The following SPOCK3 variants were observed in gnomAD, a reference collection of about 807,000 sequenced individuals.
SPOCK3 encodes the protein testican-3.
Under a neutral mutation model 56.6 loss-of-function variants are expected in SPOCK3, and 30 were observed. The ratio of observed to expected loss-of-function variants is 0.53; its 90% CI spans 0.40 to 0.72. The LOEUF (loss-of-function observed/expected upper bound fraction) is 0.72, where lower values mean the gene tolerates loss of function less well. Among genes scored for constraint, SPOCK3 ranks in the 30% least tolerant of loss-of-function variants. The probability of loss-of-function intolerance (pLI) is 0.00; values close to 1 mark genes in which losing one functional copy is unlikely to be tolerated. For missense variants in SPOCK3, 527 were observed against 530.0 expected (o/e 0.99, Z 0.06); for synonymous variants, 196 against 183.3 (o/e 1.07, Z -0.56).
chr4:167,158,963 T>C (rs1380274596), intron 2 of SPOCK3, among the ~76,000 whole-genome samples: 1 of 151,958 alleles, frequency 6.6e-6, no homozygotes. Flanking sequence ...AGAAAAGTGT[T>C]CATACATACA....
intron 6 of SPOCK3, among the ~76,000 whole-genome samples, chr4:166,840,770 A>ATTTTTTTT (rs758844653): frequency 2.5e-5 from 2 of 81,326 alleles, no homozygotes; most frequent in Non-Finnish European, 2.2e-5. Context: ...CAGAAGCAAA[A>ATTTTTTTT]GTTTTTTTTT....
chr4:166,856,771 T>A (rs1730715472), intron 6 of SPOCK3, among the ~76,000 whole-genome samples: 1 of 139,096 alleles, frequency 7.2e-6, no homozygotes, highest in South Asian at 2.4e-4. Flanking sequence ...AAGGCACTTC[T>A]CAAAAAAATT....
intron 4 of SPOCK3, among the ~76,000 whole-genome samples, chr4:166,958,452 T>C (rs1406472419): frequency 6.6e-6 from 1 of 152,304 alleles, no homozygotes; most frequent in Non-Finnish European, 1.5e-5. Flanking sequence ...CCTTTGCCAC[T>C]AATCTGGACT....
intron 2 of SPOCK3, among the ~76,000 whole-genome samples, chr4:167,211,756 G>C (rs373626816): frequency 1.3e-5 from 2 of 151,988 alleles, no homozygotes; most frequent in Non-Finnish European, 2.9e-5. Flanking sequence ...GCCCAGTCTC[G>C]GGTATGTATT....
At chr4:167,066,294 G>A (rs574035392) in intron 2 of SPOCK3, among the ~76,000 whole-genome samples, 48 of 151,876 alleles carry the variant, frequency 3.2e-4, no homozygotes, top group South Asian at 8.3e-4. Context: ...GGAGACTATT[G>A]TGTGCATTGC....
chr4:166,978,373 A>G (rs1219101446), intron 4 of SPOCK3, among the ~76,000 whole-genome samples: 1 of 152,146 alleles, frequency 6.6e-6, no homozygotes, highest in Non-Finnish European at 1.5e-5. Flanking sequence ...TTATGAGTCA[A>G]ATAGGGAGAG....
At chr4:167,150,182 G>T (rs891301753) in intron 2 of SPOCK3, among the ~76,000 whole-genome samples, 3 of 152,048 alleles carry the variant, frequency 2.0e-5, no homozygotes, top group Non-Finnish European at 4.4e-5. Flanking sequence ...AGCATTTAGA[G>T]CCCTGAAATG....
At chr4:166,946,900 T>C (rs28478811) in intron 4 of SPOCK3, among the ~76,000 whole-genome samples, 7,814 of 152,204 alleles carry the variant, frequency 0.051, 653 homozygotes, top group African/African-American at 0.18. Context: ...AGGTGTTCAG[T>C]ACAAAACAAT....
intron 2 of SPOCK3, among the ~76,000 whole-genome samples, chr4:167,155,919 A>G (rs1764780071): frequency 6.6e-6 from 1 of 152,156 alleles, no homozygotes; most frequent in African/African-American, 2.4e-5. Flanking sequence ...GCAAACCACC[A>G]TGCATATGTA....
intron 2 of SPOCK3, among the ~76,000 whole-genome samples, chr4:167,136,977 C>T (rs1763171378): frequency 6.6e-6 from 1 of 152,018 alleles, no homozygotes; most frequent in Non-Finnish European, 1.5e-5. Flanking sequence ...CCTCAGTTCT[C>T]TCACCCATAA....
chr4:167,096,181 G>A (rs1459313102), intron 2 of SPOCK3, among the ~76,000 whole-genome samples: 1 of 151,874 alleles, frequency 6.6e-6, no homozygotes, highest in African/African-American at 2.4e-5. Context: ...GCCAATTATT[G>A]TCATTTTTGT....
At chr4:167,036,015 C>T (rs557657095) in intron 3 of SPOCK3, among the ~76,000 whole-genome samples, 1 of 152,310 alleles carries the variant, frequency 6.6e-6, no homozygotes, top group South Asian at 2.1e-4. Flanking sequence ...TGAGCTTCCG[C>T]TGAACGCAGC....
chr4:167,106,589 T>C (rs1042309413), intron 2 of SPOCK3, among the ~76,000 whole-genome samples: 5 of 151,438 alleles, frequency 3.3e-5, no homozygotes, highest in African/African-American at 9.7e-5. Context: ...GCATCATTTA[T>C]TTAGAAAAGC....
chr4:166,946,673 C>T (rs892985309), intron 4 of SPOCK3, among the ~76,000 whole-genome samples: 5 of 152,116 alleles, frequency 3.3e-5, no homozygotes, highest in African/African-American at 1.2e-4. Context: ...ATCCCTCTTC[C>T]CCTACTCTAC....
At position 166,733,697 on chromosome 4, in the gene SPOCK3, T is replaced by C. The variant is rs1733958292; in HGVS notation, c.*1224A>G. On this transcript the variant is annotated 3_prime_UTR_variant, in exon 11 of 11. Coordinates refer to ENST00000357545, the MANE Select transcript of SPOCK3 (RefSeq NM_001040159.2). The stretch of plus-strand genomic sequence containing the variant: ...CTACACAATTAATTAACATGCTAAC[T>C]TAAATACAGCGGTTAAAGTAATTTT... 1 of 152,264 alleles carries C rather than the reference T, an allele frequency of 6.6e-6. No homozygotes were observed. Among genetic ancestry groups the C allele is most frequent in the Non-Finnish European group, 1.5e-5 (1 of 67,774 alleles). 9.4% of individuals were successfully genotyped at this position (152,264 alleles called of 1,614,324 possible). A position where few individuals can be genotyped will look rare whatever the true frequency, so the allele number is the denominator to read the frequency against.
intron 2 of SPOCK3, among the ~76,000 whole-genome samples, chr4:167,162,003 C>T (rs1377034122): frequency 6.6e-6 from 1 of 152,012 alleles, no homozygotes; most frequent in Admixed American, 6.6e-5. Flanking sequence ...AACAAACCTG[C>T]ACGTTGTGCA....
intron 2 of SPOCK3, among the ~76,000 whole-genome samples, chr4:167,115,920 A>T (rs1761289532): frequency 6.6e-6 from 1 of 152,106 alleles, no homozygotes; most frequent in African/African-American, 2.4e-5. Flanking sequence ...ACAAACTAAA[A>T]CAGAGAATTC....
At chr4:167,106,799 A>G (rs1760199650) in intron 2 of SPOCK3, among the ~76,000 whole-genome samples, 1 of 151,686 alleles carries the variant, frequency 6.6e-6, no homozygotes, top group Admixed American at 6.6e-5. Context: ...AGTAAATAAA[A>G]TCAGAGATGA....
At chr4:167,231,266 A>C (rs187714372) in intron 2 of SPOCK3, among the ~76,000 whole-genome samples, 23 of 152,156 alleles carry the variant, frequency 1.5e-4, no homozygotes, top group Admixed American at 5.2e-4. Flanking sequence ...AACTTTCATT[A>C]AGGAGTCACT....
Sources: gnomAD v4.1 joint callset for allele counts (sites outside exome capture counted in the v4.1 genomes callset) on GRCh38, gnomAD v4.1.1 for gene constraint, MANE v1.5 for transcripts, NCBI Gene and HGNC (gene_info 2026-07-23, HGNC 2026-07-21) for gene names.